The following FOXJ3 variants were observed in gnomAD, a reference collection of about 807,000 sequenced individuals.
FOXJ3 encodes the protein forkhead box protein J3.
FOXJ3 carries 22 observed loss-of-function variants against 76.1 expected under a neutral mutation model. The observed-to-expected ratio is 0.29, with a 90% CI of 0.21 to 0.41. The LOEUF (loss-of-function observed/expected upper bound fraction) is 0.41, where lower values mean the gene tolerates loss of function less well. FOXJ3 is among the 10% of genes least tolerant of loss of function. FOXJ3 has a pLI of 1.00. For missense variants in FOXJ3, 613 were observed against 762.1 expected (o/e 0.80, Z 2.30); for synonymous variants, 269 against 261.2 (o/e 1.03, Z -0.29).
At chr1:42,189,188 G>A (rs1051220060) in intron 10 of FOXJ3, 115 bp downstream of exon 10, 13 of 753,960 alleles carry the variant, frequency 1.7e-5, no homozygotes, top group Non-Finnish European at 2.8e-5. Context: ...TTTACCAACT[G>A]CAAAAGAAAT....
chr1:42,328,788 T>G (rs1655990812), intron 1 of FOXJ3, among the ~76,000 whole-genome samples: 1 of 151,344 alleles, frequency 6.6e-6, no homozygotes, highest in Non-Finnish European at 1.5e-5. Flanking sequence ...TGCCTCAGCT[T>G]CCCAAATAGC....
intron 6 of FOXJ3, among the ~76,000 whole-genome samples, chr1:42,202,347 ATTCTATCAT>A (rs879617635): frequency 2.0e-5 from 3 of 152,100 alleles, no homozygotes; most frequent in Non-Finnish European, 4.4e-5. Flanking sequence ...TTCTAAGCTA[ATTCTATCAT>A]TTCTATCATT....
At position 42,205,807 on chromosome 1, in the gene FOXJ3, C is replaced by T. The variant is rs376350983; in HGVS notation, c.585G>A (p.Ser195=). The T allele has an allele frequency of 2.7e-5, 44 of 1,612,008 alleles. No individual in the cohort carries two copies. The highest frequency in any genetic ancestry group is 1.2e-4 in the Admixed American group (7 of 59,988). The change falls in exon 6 of 13, where the codon TCG becomes TCA. Residue 195 remains serine (S), a synonymous_variant. Coordinates refer to ENST00000361346, the MANE Select transcript of FOXJ3 (RefSeq NM_014947.5). ...TTGCCAGAGTTGGAGAGGCACTTCCCGAAATAATACACTCCATTCCCAAAG... is the reference window on the plus strand; with the variant it reads ...TTGCCAGAGTTGGAGAGGCACTTCCTGAAATAATACACTCCATTCCCAAAG... The part of the protein sequence containing the change: ...SDSLGMECII[S]GSASPTLAIN...
chr1:42,218,667 C>T (rs910168535), intron 5 of FOXJ3, among the ~76,000 whole-genome samples: 6 of 152,160 alleles, frequency 3.9e-5, no homozygotes, highest in African/African-American at 9.7e-5. Flanking sequence ...CTAGAGTGAC[C>T]GTGTTAAAAT....
At chr1:42,273,674 C>CAAAAAA (rs35528514) in intron 3 of FOXJ3, among the ~76,000 whole-genome samples, 1 of 86,318 alleles carries the variant, frequency 1.2e-5, no homozygotes, top group African/African-American at 4.9e-5. Flanking sequence ...CACTCCATCT[C>CAAAAAA]AAAAAAAAAA....
chr1:42,246,503 T>G (rs1239500168), intron 4 of FOXJ3, among the ~76,000 whole-genome samples: 2 of 151,982 alleles, frequency 1.3e-5, no homozygotes, highest in Non-Finnish European at 2.9e-5. Context: ...GCAGTTAGAA[T>G]AGCTGTGATT....
chr1:42,250,413 T>C (rs993844083), intron 4 of FOXJ3, among the ~76,000 whole-genome samples: 2 of 152,184 alleles, frequency 1.3e-5, no homozygotes, highest in Non-Finnish European at 2.9e-5. Flanking sequence ...GCATGTTTCA[T>C]GTCCAGGAAC....
chr1:42,305,110 CAT>C (rs113883605), intron 2 of FOXJ3, among the ~76,000 whole-genome samples: 2,555 of 152,190 alleles, frequency 0.017, 67 homozygotes, highest in African/African-American at 0.058. Context: ...TCTCAAAAGA[CAT>C]ACAAATGGCA....
chr1:42,306,298 CTTTTTTTTTT>C (rs9326121), intron 2 of FOXJ3, among the ~76,000 whole-genome samples: 5 of 81,692 alleles, frequency 6.1e-5, no homozygotes, highest in East Asian at 3.8e-4. Flanking sequence ...GAACTTTTTT[CTTTTTTTTTT>C]TTTTTTTTTT....
At chr1:42,210,312 A>T (rs1288687101) in intron 5 of FOXJ3, among the ~76,000 whole-genome samples, 1 of 151,610 alleles carries the variant, frequency 6.6e-6, no homozygotes, top group African/African-American at 2.4e-5. Context: ...TTGTCCCTTC[A>T]CTCGCCCTGG....
chr1:42,267,552 A>G (rs1651559777), intron 3 of FOXJ3, among the ~76,000 whole-genome samples: 1 of 152,166 alleles, frequency 6.6e-6, no homozygotes, highest in Admixed American at 6.5e-5. Flanking sequence ...CTACACAGAT[A>G]TCTGGTCTCA....
At chr1:42,227,814 G>T (rs921943928) in intron 5 of FOXJ3, 69 bp downstream of exon 5, 4 of 826,174 alleles carry the variant, frequency 4.8e-6, no homozygotes, top group South Asian at 2.3e-5. Context: ...GACTGGAAAA[G>T]AACTTTCAAA....
chr1:42,195,574 CA>C (rs1646635329), intron 7 of FOXJ3, among the ~76,000 whole-genome samples: 1 of 152,134 alleles, frequency 6.6e-6, no homozygotes, highest in Admixed American at 6.5e-5. Context: ...TCTTCATTTC[CA>C]GGGAAAACTT....
chr1:42,230,493 A>G (rs939750627), intron 4 of FOXJ3, among the ~76,000 whole-genome samples: 3 of 152,196 alleles, frequency 2.0e-5, no homozygotes, highest in African/African-American at 7.2e-5. Flanking sequence ...CTCAAAATTA[A>G]TTTATGTTTC....
At chr1:42,267,956 A>G (rs1463686826) in intron 3 of FOXJ3, among the ~76,000 whole-genome samples, 1 of 152,108 alleles carries the variant, frequency 6.6e-6, no homozygotes, top group Non-Finnish European at 1.5e-5. Context: ...AGAGCAAAAC[A>G]AAAACAAAAC....
chr1:42,334,324 T>C (rs1656333612), intron 1 of FOXJ3, among the ~76,000 whole-genome samples: 1 of 152,114 alleles, frequency 6.6e-6, no homozygotes, highest in Non-Finnish European at 1.5e-5. Flanking sequence ...CAAAGCAAAC[T>C]GACCCTAACA....
At chr1:42,246,744 T>C (rs987161129) in intron 4 of FOXJ3, among the ~76,000 whole-genome samples, 1 of 151,996 alleles carries the variant, frequency 6.6e-6, no homozygotes, top group Non-Finnish European at 1.5e-5. Context: ...TGCAACCCCA[T>C]GTTTACTGCA....
chr1:42,324,319 CGA>C (rs1338184217), intron 1 of FOXJ3, among the ~76,000 whole-genome samples: 20 of 134,082 alleles, frequency 1.5e-4, no homozygotes, highest in South Asian at 6.8e-4. Context: ...TATATATACA[CGA>C]GATATATAAC....
intron 1 of FOXJ3, among the ~76,000 whole-genome samples, chr1:42,332,415 T>G (rs1303213546): frequency 2.6e-5 from 4 of 152,198 alleles, no homozygotes; most frequent in African/African-American, 4.8e-5. Flanking sequence ...ATTTAATGAA[T>G]TAAACAAACG....
Sources: allele counts gnomAD v4.1 joint callset (sites outside exome capture counted in the v4.1 genomes callset), GRCh38; gene constraint gnomAD v4.1.1; transcripts MANE v1.5; gene names NCBI Gene and HGNC (gene_info 2026-07-23, HGNC 2026-07-21).